The following GASK1A variants were observed in gnomAD, a reference collection of about 807,000 sequenced individuals.
GASK1A encodes golgi associated kinase 1A, also known as Golgi-associated kinase 1A.
A neutral mutation model predicts 41.2 loss-of-function variants in GASK1A; 40 were observed. The observed-to-expected ratio is 0.97, with a 90% CI of 0.75 to 1.27. The LOEUF (loss-of-function observed/expected upper bound fraction) is 1.27, where lower values mean the gene tolerates loss of function less well. GASK1A is among the 50% of genes most tolerant of loss of function. The probability of loss-of-function intolerance (pLI) is 0.00; values close to 1 mark genes in which losing one functional copy is unlikely to be tolerated. For missense variants in GASK1A, 678 were observed against 745.1 expected (o/e 0.91, Z 1.05); for synonymous variants, 316 against 307.1 (o/e 1.03, Z -0.30).
At chr3:43,029,219 G>A (rs1310996811) in intron 1 of GASK1A, among the ~76,000 whole-genome samples, 1 of 152,080 alleles carries the variant, frequency 6.6e-6, no homozygotes, top group Non-Finnish European at 1.5e-5. Flanking sequence ...GCTCAGAGCT[G>A]CAAGGGAGGC....
At chr3:43,053,756 C>G in intron 3 of GASK1A, 113 bp downstream of exon 3, 1 of 1,216,202 alleles carries the variant, frequency 8.2e-7, no homozygotes, top group Admixed American at 2.0e-5. Context: ...GTTTCCCAGT[C>G]TTGTTCTTTT....
Position 42,984,449 on chromosome 3 carries a change from C to T in GASK1A, c.3+4804C>T, listed in dbSNP as rs2089297853. ...GTGGCCTGGGATCTGGTCCTATTCC[C>T]CAGAGTCCAGCCTGTGGCTCCAGAA... On this transcript the variant is annotated intron_variant, in intron 1 of 4. Transcript: ENST00000430121. The surrounding 1 kb of genome is among the most constrained non-coding windows in gnomAD (Gnocchi z 4.2). Among the ~76,000 whole-genome samples, 1 of 152,136 alleles carries T rather than the reference C, an allele frequency of 6.6e-6. No individual in the cohort carries two copies. The highest frequency in any genetic ancestry group is 2.4e-5 in the African/African-American group (1 of 41,432).
chr3:43,055,922 G>A lies in GASK1A; in HGVS notation c.1518-254G>A. On this transcript the variant is annotated intron_variant, in intron 4 of 4. Transcript: ENST00000430121. Reference sequence around the variant, plus strand: ...TTGCCAAGTGGAGCCTGGGATAGCGGAATTTATTCACCTGGCTTCTCTGTA... The same window carrying A: ...TTGCCAAGTGGAGCCTGGGATAGCGAAATTTATTCACCTGGCTTCTCTGTA... 3 of 504,960 alleles carry A rather than the reference G, an allele frequency of 5.9e-6. No individual in the cohort carries two copies. In the South Asian group the frequency reaches 7.6e-5, roughly 13 times the overall value. The allele number at this position is 504,960 out of a possible 1,614,324, so 31.3% of individuals were successfully genotyped here. A position where few individuals can be genotyped will look rare whatever the true frequency, so the allele number is the denominator to read the frequency against.
At position 43,033,037 on chromosome 3, in the gene GASK1A, C is replaced by T. The variant is rs995975123; in HGVS notation, c.774C>T (p.Pro258=). The T allele has an allele frequency of 5.8e-6, 9 of 1,551,592 alleles. No homozygotes were observed. In the East Asian group the frequency reaches 1.2e-4, roughly 21 times the overall value. The stretch of plus-strand genomic sequence containing the variant: ...GCTCGAGGACTGGTGGGCAGGCTCC[C>T]CCATGGCTGACAGACCACGATGTGC... The part of the protein sequence containing the change: ...LSSSRTGGQA[P]PWLTDHDVQM... Residue 258 remains proline, a synonymous_variant, in exon 2 of 5, where the codon CCC becomes CCT. Coordinates refer to ENST00000430121, the MANE Select transcript of GASK1A (RefSeq NM_001129908.3).
chr3:43,009,186 A>G (rs372511712), intron 1 of GASK1A, among the ~76,000 whole-genome samples: 1 of 152,300 alleles, frequency 6.6e-6, no homozygotes, highest in East Asian at 1.9e-4. Flanking sequence ...TTGGACCTAG[A>G]GAGTCCAGCT....
chr3:43,015,449 AAAGGGGCAGTGTGAAGTCACAGG>A (rs2089485755), intron 1 of GASK1A, among the ~76,000 whole-genome samples: 12 of 99,910 alleles, frequency 1.2e-4, no homozygotes, highest in African/African-American at 1.9e-4. Flanking sequence ...GAAGACACAG[AAAGGGGCAGTGTGAAGTCACAGG>A]AAGGGGCAGT....
chr3:42,979,355 G>C lies in GASK1A; in HGVS notation c.-288G>C. 1 of 375,746 alleles carries C rather than the reference G, an allele frequency of 2.7e-6. No individual in the cohort carries two copies. The highest frequency in any genetic ancestry group is 4.7e-6 in the Non-Finnish European group (1 of 212,250). The allele number at this position is 375,746 out of a possible 1,614,324, so 23.3% of individuals were successfully genotyped here. A position where few individuals can be genotyped will look rare whatever the true frequency, so the allele number is the denominator to read the frequency against. ...AGTCCCGAGTAGACCGCAGAGGCTC[G>C]CGGCCGCGGGTAGGCTCCCTCAGAT... On this transcript the variant is annotated 5_prime_UTR_variant, in exon 1 of 5. Transcript: ENST00000430121.
intron 1 of GASK1A, among the ~76,000 whole-genome samples, chr3:43,011,760 G>A (rs2125679739): frequency 6.6e-6 from 1 of 150,814 alleles, no homozygotes; most frequent in South Asian, 2.1e-4. Context: ...GTGAAGCCAA[G>A]GGAAGGGGCT....
At chr3:43,056,005 G>T in intron 4 of GASK1A, 171 bp from the exon 5 acceptor site, 3 of 605,682 alleles carry the variant, frequency 5.0e-6, no homozygotes, top group Non-Finnish European at 5.8e-6. Flanking sequence ...CAGGCAAAGG[G>T]TCCTCTGTTA....
chr3:43,019,071 G>A (rs2089508530), intron 1 of GASK1A, among the ~76,000 whole-genome samples: 2 of 152,218 alleles, frequency 1.3e-5, no homozygotes, highest in South Asian at 4.1e-4. Context: ...ACGGGCATGA[G>A]GATTAAATTA....
At chr3:43,000,238 G>GAGACCAATGTGGCCTT (rs6147800) in intron 1 of GASK1A, among the ~76,000 whole-genome samples, 58,340 of 152,050 alleles carry the variant, frequency 0.38, 11,623 homozygotes, top group Non-Finnish European at 0.44. Flanking sequence ...GGGGCCGAGT[G>GAGACCAATGTGGCCTT]TCCAATGCTT....
At chr3:43,038,745 A>C (rs985760741) in intron 2 of GASK1A, among the ~76,000 whole-genome samples, 2 of 152,228 alleles carry the variant, frequency 1.3e-5, no homozygotes, top group African/African-American at 4.8e-5. Flanking sequence ...CTTTGAAATC[A>C]GAATCACTTC....
intron 1 of GASK1A, among the ~76,000 whole-genome samples, chr3:42,993,920 TC>T (rs2089355289): frequency 6.6e-6 from 1 of 152,192 alleles, no homozygotes; most frequent in African/African-American, 2.4e-5. Context: ...ATTCATTATC[TC>T]CCGGAATCCT....
At chr3:42,985,409 G>A (rs1023631468) in intron 1 of GASK1A, among the ~76,000 whole-genome samples, 3 of 152,192 alleles carry the variant, frequency 2.0e-5, no homozygotes, top group Non-Finnish European at 4.4e-5. Flanking sequence ...CTGCCGTCTT[G>A]TCATTCATTC....
chr3:43,003,381 G>A (rs1221466179), intron 1 of GASK1A, among the ~76,000 whole-genome samples: 2 of 151,852 alleles, frequency 1.3e-5, no homozygotes, highest in African/African-American at 4.8e-5. Flanking sequence ...TGTCATCCCA[G>A]CTACTCGGGA....
chr3:43,032,836 G>A lies in GASK1A; in HGVS notation c.573G>A (p.Leu191=). The change falls in exon 2 of 5, where the codon CTG becomes CTA. Residue 191 remains leucine (L), a synonymous_variant. Coordinates refer to ENST00000430121, the MANE Select transcript of GASK1A (RefSeq NM_001129908.3). The part of the protein sequence containing the change: ...ALPAWRATSG[L]TLWPHTAEGR... ...CGGCTTGGAGAGCTACTTCTGGGCT[G>A]ACACTCTGGCCCCATACAGCAGAAG... The A allele has an allele frequency of 3.9e-6, 6 of 1,548,646 alleles. No individual in the cohort carries two copies. The highest frequency in any genetic ancestry group is 5.2e-6 in the Non-Finnish European group (6 of 1,146,972).
intron 1 of GASK1A, among the ~76,000 whole-genome samples, chr3:43,014,143 G>T (rs1386580677): frequency 1.3e-5 from 2 of 151,392 alleles, no homozygotes; most frequent in African/African-American, 4.9e-5. Context: ...GGAAGGGGGA[G>T]TGTTAAACCA....
At chr3:42,987,751 C>G (rs2089319598) in intron 1 of GASK1A, among the ~76,000 whole-genome samples, 1 of 151,986 alleles carries the variant, frequency 6.6e-6, no homozygotes, top group African/African-American at 2.4e-5. Flanking sequence ...GTAATCCCAG[C>G]ACTTTGGAAG....
At chr3:43,029,950 G>A (rs1015045034) in intron 1 of GASK1A, among the ~76,000 whole-genome samples, 5 of 152,224 alleles carry the variant, frequency 3.3e-5, no homozygotes, top group Admixed American at 3.3e-4. Context: ...CATGCCGTTG[G>A]AAGGAAGGGG....
Sources: allele counts gnomAD v4.1 joint callset (sites outside exome capture counted in the v4.1 genomes callset), GRCh38; gene constraint gnomAD v4.1.1; non-coding constraint Gnocchi (gnomAD v3.1); transcripts MANE v1.5; gene names NCBI Gene and HGNC (gene_info 2026-07-23, HGNC 2026-07-21).